The following SGCZ variants were observed in gnomAD, a reference collection of about 807,000 sequenced individuals.
SGCZ encodes the protein sarcoglycan zeta, also known as zeta-sarcoglycan.
In SGCZ, 40 loss-of-function variants were observed where a neutral mutation model predicts 41.3. That is an observed-to-expected ratio of 0.97 (90% CI 0.75 to 1.26). SGCZ has a LOEUF of 1.26. SGCZ is among the 50% of genes most tolerant of loss of function. The probability of loss-of-function intolerance (pLI) is 0.00; values close to 1 mark genes in which losing one functional copy is unlikely to be tolerated. For synonymous variants in SGCZ, 206 were observed against 137.5 expected, an observed-to-expected ratio of 1.50 and a Z score of -3.49; for missense variants, 552 against 369.8, an observed-to-expected ratio of 1.49 and a Z score of -4.04.
rs140223085 is a variant in SGCZ at position 14,662,640 on chromosome 8, A to G, written c.40-107714T>C. On this transcript the variant is annotated intron_variant, in intron 1 of 7. Transcript: ENST00000382080. ...GGTCCTCCAAAGAAGTCTATGAACT[A>G]ATCCCTGGAAGCTTTGAATTTATTA... Among the ~76,000 whole-genome samples the G allele has an allele frequency of 1.0e-3, 156 of 152,302 alleles. 1 individual carries two copies. The highest frequency in any genetic ancestry group is 3.6e-3 in the African/African-American group (151 of 41,572).
Position 14,087,909 on chromosome 8 carries a change from A to G in SGCZ, c.*2534T>C, listed in dbSNP as rs774796913. Among the ~76,000 whole-genome samples the G allele has an allele frequency of 3.3e-5, 5 of 151,602 alleles. No homozygotes were observed. Among genetic ancestry groups the G allele is most frequent in the Non-Finnish European group, 7.4e-5 (5 of 67,768 alleles). On this transcript the variant is annotated 3_prime_UTR_variant, in exon 8 of 8. Transcript: ENST00000382080. ...ATAGGAAAGCCATCGCTATCACTATATTTTCTACTGTACTGAACCGATTTG... is the reference window on the plus strand; with the variant it reads ...ATAGGAAAGCCATCGCTATCACTATGTTTTCTACTGTACTGAACCGATTTG...
At chr8:14,892,845 A>C (rs936972745) in intron 1 of SGCZ, among the ~76,000 whole-genome samples, 2 of 152,146 alleles carry the variant, frequency 1.3e-5, no homozygotes, top group African/African-American at 2.4e-5. Flanking sequence ...TATGATCTCT[A>C]TGTTCTCATC....
chr8:14,323,624 A>T lies in SGCZ; in HGVS notation c.336+479T>A, dbSNP rs148616819. 2.1e-3 allele frequency among the ~76,000 whole-genome samples: 313 copies of T among 152,294 alleles called. 3 individuals are homozygous for T. The highest frequency in any genetic ancestry group is 6.8e-3 in the Middle Eastern group (2 of 294). ...ACACACTCATATTTGAAGGATAAATATTCTCGCTTGTTTTACATCACGTAC... is the reference window on the plus strand; with the variant it reads ...ACACACTCATATTTGAAGGATAAATTTTCTCGCTTGTTTTACATCACGTAC... On this transcript the variant is annotated intron_variant, in intron 3 of 7. Coordinates refer to ENST00000382080, the MANE Select transcript of SGCZ (RefSeq NM_139167.4).
intron 3 of SGCZ, among the ~76,000 whole-genome samples, chr8:14,295,606 T>C (rs1377368156): frequency 1.3e-5 from 2 of 152,082 alleles, no homozygotes; most frequent in Non-Finnish European, 2.9e-5. Flanking sequence ...AAATGAACTA[T>C]AACTGAGGGT....
At chr8:14,965,820 G>A (rs1801110973) in intron 1 of SGCZ, among the ~76,000 whole-genome samples, 1 of 151,944 alleles carries the variant, frequency 6.6e-6, no homozygotes. Flanking sequence ...TATCTTTCAA[G>A]ATATATCATA....
chr8:14,717,548 G>C (rs1277386951), intron 1 of SGCZ, among the ~76,000 whole-genome samples: 1 of 152,152 alleles, frequency 6.6e-6, no homozygotes, highest in African/African-American at 2.4e-5. Flanking sequence ...TCTCTCTAGT[G>C]ATGAGAAAGT....
chr8:15,167,643 T>G (rs1476813028), intron 1 of SGCZ, among the ~76,000 whole-genome samples: 1 of 150,562 alleles, frequency 6.6e-6, no homozygotes, highest in Non-Finnish European at 1.5e-5. Context: ...AAGGCTATTT[T>G]GCAAACCACT....
At chr8:14,653,829 T>TA (rs999694187) in intron 1 of SGCZ, among the ~76,000 whole-genome samples, 6 of 152,154 alleles carry the variant, frequency 3.9e-5, no homozygotes, top group African/African-American at 1.4e-4. Flanking sequence ...CTCAGTTGTC[T>TA]CAAAAATGTT....
intron 2 of SGCZ, among the ~76,000 whole-genome samples, chr8:14,416,427 C>T (rs984255087): frequency 2.0e-4 from 30 of 151,796 alleles, no homozygotes; most frequent in East Asian, 9.7e-4. Context: ...TAGTAAAGAA[C>T]GAAAGAGTAT....
In SGCZ at chr8:14,717,193, G is replaced by C. The variant is rs540522267; in HGVS notation, c.40-162267C>G. Among the ~76,000 whole-genome samples the C allele has an allele frequency of 5.3e-5, 8 of 151,950 alleles. No homozygotes were observed. The East Asian group carries it at 1.6e-3, about 29-fold the overall frequency. On this transcript the variant is annotated intron_variant, in intron 1 of 7. Coordinates refer to ENST00000382080, the MANE Select transcript of SGCZ (RefSeq NM_139167.4). ...AAAATTTTTCTAGATAAATAACAAA[G>C]CTTAGTATGAAACATTCAATACCAT...
At chr8:14,101,709 TC>T (rs1442291606) in intron 7 of SGCZ, among the ~76,000 whole-genome samples, 1 of 151,688 alleles carries the variant, frequency 6.6e-6, no homozygotes, top group African/African-American at 2.4e-5. Flanking sequence ...AGGCACTCTT[TC>T]TATGGAAACA....
chr8:14,676,367 T>TGTGTGTGTGTGTGTGTGTGG (rs1195783792), intron 1 of SGCZ, among the ~76,000 whole-genome samples: 31 of 151,916 alleles, frequency 2.0e-4, no homozygotes, highest in Non-Finnish European at 4.1e-4. Context: ...TGTGTGTGTG[T>TGTGTGTGTGTGTGTGTGTGG]GTATCTCCAG....
At chr8:15,155,112 T>A (rs1377841862) in intron 1 of SGCZ, among the ~76,000 whole-genome samples, 2 of 151,818 alleles carry the variant, frequency 1.3e-5, no homozygotes, top group African/African-American at 4.8e-5. Flanking sequence ...GGAAACATGG[T>A]GAAACATGTA....
chr8:14,672,702 A>G (rs1193173265), intron 1 of SGCZ, among the ~76,000 whole-genome samples: 1 of 152,180 alleles, frequency 6.6e-6, no homozygotes, highest in African/African-American at 2.4e-5. Flanking sequence ...CCTCCATCAC[A>G]GAAAATTCTA....
chr8:15,077,593 C>T (rs1321167414), intron 1 of SGCZ, among the ~76,000 whole-genome samples: 1 of 152,078 alleles, frequency 6.6e-6, no homozygotes, highest in Non-Finnish European at 1.5e-5. Context: ...TAACTTTAAC[C>T]TCCTTGTATG....
chr8:14,332,109 T>C (rs1294006422), intron 2 of SGCZ, among the ~76,000 whole-genome samples: 1 of 151,888 alleles, frequency 6.6e-6, no homozygotes, highest in Non-Finnish European at 1.5e-5. Context: ...ATATAATTGC[T>C]CCACAAAAAA....
chr8:14,737,621 T>C (rs777315968), intron 1 of SGCZ, among the ~76,000 whole-genome samples: 14 of 152,114 alleles, frequency 9.2e-5, no homozygotes, highest in Non-Finnish European at 4.4e-5. Flanking sequence ...ATTGGCAGGA[T>C]TGATTCCTTC....
In SGCZ at chr8:14,692,132, G is replaced by A. The variant is rs369950148; in HGVS notation, c.40-137206C>T. 3.3e-5 allele frequency among the ~76,000 whole-genome samples: 5 copies of A among 151,734 alleles called. No individual in the cohort carries two copies. The East Asian group carries it at 5.8e-4, about 18-fold the overall frequency. On this transcript the variant is annotated intron_variant, in intron 1 of 7. Coordinates refer to ENST00000382080, the MANE Select transcript of SGCZ (RefSeq NM_139167.4). The stretch of plus-strand genomic sequence containing the variant: ...CTATAATTAAGAAAAATAAAATCCC[G>A]GTTGCATCTGACCATTAATTTTTTA...
intron 3 of SGCZ, among the ~76,000 whole-genome samples, chr8:14,285,430 G>A (rs17118978): frequency 0.048 from 7,254 of 151,990 alleles, 264 homozygotes; most frequent in East Asian, 0.17. Context: ...TGAGCCTTTC[G>A]AACTGGATCC....
Sources: allele counts gnomAD v4.1 joint callset (sites outside exome capture counted in the v4.1 genomes callset), GRCh38; gene constraint gnomAD v4.1.1; transcripts MANE v1.5; gene names NCBI Gene and HGNC (gene_info 2026-07-23, HGNC 2026-07-21).